The following ITPR1 variants were observed in gnomAD, a reference collection of about 807,000 sequenced individuals.
ITPR1 encodes the protein inositol 1,4,5-trisphosphate-gated calcium channel ITPR1.
ITPR1 carries 96 observed loss-of-function variants against 318.4 expected under a neutral mutation model. The observed-to-expected ratio is 0.30, with a 90% CI of 0.26 to 0.36. The LOEUF is 0.36. Among genes scored for constraint, ITPR1 ranks in the 10% least tolerant of loss-of-function variants. ITPR1 has a pLI of 1.00. For missense variants in ITPR1, 2,440 were observed against 3,460.2 expected, an observed-to-expected ratio of 0.71 and a Z score of 7.40; for synonymous variants, 1,312 against 1,289.9, an observed-to-expected ratio of 1.02 and a Z score of -0.37.
At chr3:4,590,147 C>T (rs962119941) in intron 4 of ITPR1, among the ~76,000 whole-genome samples, 14 of 151,566 alleles carry the variant, frequency 9.2e-5, no homozygotes, top group African/African-American at 3.4e-4. Context: ...TAGCTGCTTC[C>T]CCCCTTTGTG....
intron 4 of ITPR1, among the ~76,000 whole-genome samples, chr3:4,530,229 C>T (rs1412517103): frequency 6.6e-6 from 1 of 152,132 alleles, no homozygotes; most frequent in Non-Finnish European, 1.5e-5. Context: ...ACTGTTTTCT[C>T]CTCGCCAGAT....
At chr3:4,770,905 C>T (rs145737738) in intron 46 of ITPR1, among the ~76,000 whole-genome samples, 83 of 152,204 alleles carry the variant, frequency 5.5e-4, no homozygotes, top group African/African-American at 1.9e-3. Context: ...CCACTAGTCA[C>T]GGGATTCAGG....
chr3:4,739,027 T>TGA (rs1451619439), intron 44 of ITPR1, among the ~76,000 whole-genome samples: 5 of 152,218 alleles, frequency 3.3e-5, no homozygotes, highest in Middle Eastern at 3.2e-3. Flanking sequence ...AGCCTAGACT[T>TGA]GACTTGTCAG....
chr3:4,724,478 G>A (rs2042371502), intron 40 of ITPR1: 1 of 152,268 alleles, frequency 6.6e-6, no homozygotes, highest in Non-Finnish European at 1.5e-5. Flanking sequence ...CTGGCCCTGA[G>A]GTGAGTGTGC....
chr3:4,818,520 A>C (rs1451359288), intron 60 of ITPR1, among the ~76,000 whole-genome samples: 1 of 152,136 alleles, frequency 6.6e-6, no homozygotes, highest in African/African-American at 2.4e-5. Context: ...CTGGGATTTT[A>C]ATCTGGATCA....
In ITPR1 at chr3:4,811,435, G is replaced by A. The variant is rs747396966; in HGVS notation, c.7443G>A (p.Arg2481=). 3 of 1,613,844 alleles carry A rather than the reference G, an allele frequency of 1.9e-6. No homozygotes were observed. Among genetic ancestry groups the A allele is most frequent in the East Asian group, 4.5e-5 (2 of 44,874 alleles). ...ATGACTTTATCTTGGAAGTAGATAG[G>A]CTGCCCAATGAAACAGCTGTTCCAG... ...FKDDFILEVD[R]LPNETAVPET... The change falls in exon 56 of 62, where the codon AGG becomes AGA. Residue 2481 remains arginine, a synonymous_variant. Coordinates refer to ENST00000649015, the MANE Select transcript of ITPR1 (RefSeq NM_001378452.1).
At chr3:4,602,896 G>T (rs1305764561) in intron 4 of ITPR1, among the ~76,000 whole-genome samples, 1 of 151,608 alleles carries the variant, frequency 6.6e-6, no homozygotes, top group Non-Finnish European at 1.5e-5. Context: ...TTTTGTGGGG[G>T]ATAATGCAAA....
chr3:4,546,953 T>A (rs558091783), intron 4 of ITPR1, among the ~76,000 whole-genome samples: 12 of 152,304 alleles, frequency 7.9e-5, no homozygotes, highest in African/African-American at 2.6e-4. Flanking sequence ...GCTGGAGGAC[T>A]TGAGTCCCAG....
At chr3:4,695,144 T>G (rs1253448837) in intron 33 of ITPR1, among the ~76,000 whole-genome samples, 1 of 152,254 alleles carries the variant, frequency 6.6e-6, no homozygotes, top group East Asian at 1.9e-4. Flanking sequence ...AACTAATTTA[T>G]GATGTAATGA....
chr3:4,584,244 C>G (rs551987621), intron 4 of ITPR1, among the ~76,000 whole-genome samples: 1 of 152,130 alleles, frequency 6.6e-6, no homozygotes, highest in Non-Finnish European at 1.5e-5. Context: ...ACCCACCTCA[C>G]CCCCTTCTTG....
chr3:4,609,089 T>TATATATATATATATATATATAC (rs1171860541), intron 4 of ITPR1, among the ~76,000 whole-genome samples: 1 of 91,952 alleles, frequency 1.1e-5, no homozygotes, highest in Non-Finnish European at 2.3e-5. Context: ...TATATATATA[T>TATATATATATATATATATATAC]ACACACACAC....
At chr3:4,572,451 G>C (rs559627945) in intron 4 of ITPR1, among the ~76,000 whole-genome samples, 24 of 152,016 alleles carry the variant, frequency 1.6e-4, no homozygotes, top group African/African-American at 5.5e-4. Flanking sequence ...ATAAAAGAAC[G>C]CAAATTTGCA....
chr3:4,520,394 G>T (rs1241348349), intron 3 of ITPR1, among the ~76,000 whole-genome samples: 1 of 152,134 alleles, frequency 6.6e-6, no homozygotes, highest in Non-Finnish European at 1.5e-5. Flanking sequence ...ATGCTCCACA[G>T]TCCTTTCATA....
rs746760261 is a variant in ITPR1, at chr3:4,652,154, C to T, written c.887C>T (p.Ala296Val). 2 of 1,612,854 alleles carry T rather than the reference C, an allele frequency of 1.2e-6. No homozygotes were observed. The highest frequency in any genetic ancestry group is 2.7e-5 in the African/African-American group (2 of 74,920). Residue 296 changes from alanine (A) to valine (V), a missense_variant, in exon 11 of 62, where the codon GCA (alanine) becomes GTA (valine). This residue lies in a region of ITPR1 where 32 missense variants were observed against 62.7 expected (regional missense o/e 0.51). Coordinates refer to ENST00000649015, the MANE Select transcript of ITPR1 (RefSeq NM_001378452.1). ...VVQHDPCRGG[A>V]GYWNSLFRFK... is the part of the protein sequence containing the mutation. ...CAGCATGACCCATGTCGGGGCGGAG[C>T]AGGGTATTGGAACAGCCTTTTCCGT... is the stretch of plus-strand genomic sequence containing the variant.
chr3:4,808,027 C>G (rs554981066), intron 55 of ITPR1, among the ~76,000 whole-genome samples: 2 of 152,218 alleles, frequency 1.3e-5, no homozygotes, highest in South Asian at 4.1e-4. Context: ...GGCTTGGCTT[C>G]TTTTCTGTTC....
chr3:4,789,182 A>G (rs2047393610), intron 52 of ITPR1, among the ~76,000 whole-genome samples: 1 of 152,158 alleles, frequency 6.6e-6, no homozygotes, highest in African/African-American at 2.4e-5. Flanking sequence ...ACCTTCAAAC[A>G]TTACAAAAAG....
chr3:4,493,540 C>G lies in ITPR1; in HGVS notation c.-158C>G, dbSNP rs886058523. 2 of 153,150 alleles carry G rather than the reference C, an allele frequency of 1.3e-5. No homozygotes were observed. Among genetic ancestry groups the G allele is most frequent in the East Asian group, 3.9e-4 (2 of 5,178 alleles). The allele number at this position is 153,150 out of a possible 1,614,324, so 9.5% of individuals were successfully genotyped here. Reference sequence around the variant, plus strand: ...TCCCTCTTCGCGGACATGGGATTACCCAGCGGCTGCTAACCCCTCTCCTCG... The same window carrying G: ...TCCCTCTTCGCGGACATGGGATTACGCAGCGGCTGCTAACCCCTCTCCTCG... On this transcript the variant is annotated 5_prime_UTR_variant, in exon 1 of 62. Coordinates refer to ENST00000649015, the MANE Select transcript of ITPR1 (RefSeq NM_001378452.1).
At chr3:4,816,192 T>A (rs2049290783) in intron 59 of ITPR1, 4 of 152,206 alleles carry the variant, frequency 2.6e-5, no homozygotes. Flanking sequence ...ATTTCACCCT[T>A]CATTCCAATA....
At chr3:4,753,282 G>A (rs1365785015) in intron 44 of ITPR1, among the ~76,000 whole-genome samples, 2 of 152,110 alleles carry the variant, frequency 1.3e-5, no homozygotes, top group Admixed American at 6.5e-5. Flanking sequence ...TGTGGTTCCC[G>A]CCGATCCCTA....
Sources: allele counts gnomAD v4.1 joint callset (sites outside exome capture counted in the v4.1 genomes callset), GRCh38; gene constraint gnomAD v4.1.1; regional missense constraint gnomAD v4.1.1; transcripts MANE v1.5; gene names NCBI Gene and HGNC (gene_info 2026-07-23, HGNC 2026-07-21).